The following ZEB1 variants were observed in gnomAD, a reference collection of about 807,000 sequenced individuals.
The protein encoded by ZEB1 is zinc finger E-box-binding homeobox 1.
In ZEB1, 21 loss-of-function variants were observed where a neutral mutation model predicts 84.9. The observed-to-expected ratio is 0.25, with a 90% CI of 0.18 to 0.36. The LOEUF (loss-of-function observed/expected upper bound fraction) is 0.36. Ranked by LOEUF, ZEB1 falls within the 10% of genes least tolerant of loss-of-function variation. The pLI, the probability that ZEB1 is intolerant of heterozygous loss-of-function variation, is 1.00. For synonymous variants in ZEB1, 420 were observed against 471.1 expected (o/e 0.89, Z 1.41); for missense variants, 1,104 against 1,330.2 (o/e 0.83, Z 2.65).
intron 5 of ZEB1, among the ~76,000 whole-genome samples, chr10:31,513,961 A>G (rs894129607): frequency 3.9e-5 from 6 of 152,182 alleles, no homozygotes; most frequent in African/African-American, 1.2e-4. Flanking sequence ...GTGCTTTTGT[A>G]AGATTAATCT....
At chr10:31,470,052 A>C (rs2063001265) in intron 2 of ZEB1, among the ~76,000 whole-genome samples, 1 of 151,474 alleles carries the variant, frequency 6.6e-6, no homozygotes, top group Non-Finnish European at 1.5e-5. Context: ...CCACACCAAA[A>C]ACCCATCTGT....
intron 1 of ZEB1, among the ~76,000 whole-genome samples, chr10:31,394,010 T>A (rs543626621): frequency 1.3e-4 from 20 of 152,214 alleles, no homozygotes; most frequent in Non-Finnish European, 1.5e-5. Context: ...AATAGAGTGG[T>A]AAACAAAACA....
chr10:31,334,227 GA>G (rs553377868), intron 1 of ZEB1, among the ~76,000 whole-genome samples: 82 of 152,208 alleles, frequency 5.4e-4, no homozygotes, highest in African/African-American at 1.9e-3. Flanking sequence ...TAAAGTAGAG[GA>G]GGAACACTTA....
rs1396507783 is a variant in ZEB1 at position 31,354,376 on chromosome 10, G to A, written c.58+35084G>A. Among the ~76,000 whole-genome samples the A allele has an allele frequency of 2.0e-5, 3 of 152,014 alleles. No individual in the cohort carries two copies. In the East Asian group the frequency reaches 5.8e-4, roughly 29 times the overall value. ...TTCATGCATATTACTATATTTTCTC[G>A]ATTCTAAAAGCTCATCAATTGTAAG... On this transcript the variant is annotated intron_variant, in intron 1 of 8. Transcript: ENST00000424869.
intron 1 of ZEB1, among the ~76,000 whole-genome samples, chr10:31,421,832 T>G (rs1164567167): frequency 1.3e-5 from 2 of 152,102 alleles, no homozygotes; most frequent in Admixed American, 1.3e-4. Flanking sequence ...AGAAACTGAT[T>G]TATTAATTTT....
chr10:31,357,915 A>G (rs185374820), intron 1 of ZEB1, among the ~76,000 whole-genome samples: 16 of 152,224 alleles, frequency 1.1e-4, no homozygotes, highest in East Asian at 7.7e-4. Context: ...GCTGGCTGCA[A>G]TCAGGATTGT....
chr10:31,442,138 G>A (rs2059084312), intron 1 of ZEB1, among the ~76,000 whole-genome samples: 1 of 152,200 alleles, frequency 6.6e-6, no homozygotes. Context: ...ATTCACGATA[G>A]CAAAGACTTG....
At chr10:31,435,490 A>G (rs2058182222) in intron 1 of ZEB1, among the ~76,000 whole-genome samples, 1 of 152,230 alleles carries the variant, frequency 6.6e-6, no homozygotes, top group Admixed American at 6.5e-5. Context: ...TTTGAAGGAA[A>G]TAGGATGATG....
intron 1 of ZEB1, among the ~76,000 whole-genome samples, chr10:31,443,674 G>A (rs1564879156): frequency 1.3e-5 from 2 of 148,194 alleles, no homozygotes; most frequent in Non-Finnish European, 1.5e-5. Context: ...TTGGTTTTTT[G>A]TTCTTGCGAT....
At chr10:31,354,753 C>A (rs1022449692) in intron 1 of ZEB1, among the ~76,000 whole-genome samples, 1 of 152,114 alleles carries the variant, frequency 6.6e-6, no homozygotes, top group Non-Finnish European at 1.5e-5. Context: ...CTTGTGAAAC[C>A]TTCATTAAAC....
chr10:31,440,367 T>C (rs918616630), intron 1 of ZEB1, among the ~76,000 whole-genome samples: 2 of 151,966 alleles, frequency 1.3e-5, no homozygotes, highest in Admixed American at 6.5e-5. Context: ...CCCTTCATGC[T>C]AAAAACTCTC....
intron 3 of ZEB1, among the ~76,000 whole-genome samples, chr10:31,496,232 G>A (rs2067217450): frequency 6.6e-6 from 1 of 151,962 alleles, no homozygotes; most frequent in South Asian, 2.1e-4. Context: ...AAGACAAAAA[G>A]CAGAAGAAAA....
At chr10:31,489,403 T>C (rs1331188647) in intron 2 of ZEB1, among the ~76,000 whole-genome samples, 1 of 151,392 alleles carries the variant, frequency 6.6e-6, no homozygotes, top group Admixed American at 6.6e-5. Context: ...TGGGGATTTT[T>C]TTTATTATTT....
At chr10:31,409,066 C>T (rs1374573361) in intron 1 of ZEB1, among the ~76,000 whole-genome samples, 1 of 152,178 alleles carries the variant, frequency 6.6e-6, no homozygotes, top group South Asian at 2.1e-4. Flanking sequence ...ACATACAACC[C>T]CATCAAAAAG....
At chr10:31,379,793 T>G (rs2047316583) in intron 1 of ZEB1, among the ~76,000 whole-genome samples, 2 of 152,080 alleles carry the variant, frequency 1.3e-5, no homozygotes, top group Non-Finnish European at 2.9e-5. Flanking sequence ...TGGCCTAGAT[T>G]TAACAATCAG....
chr10:31,438,630 G>A (rs976193386), intron 1 of ZEB1, among the ~76,000 whole-genome samples: 28 of 152,200 alleles, frequency 1.8e-4, no homozygotes, highest in African/African-American at 6.3e-4. Flanking sequence ...GAGGCCAGGG[G>A]CTCAAGACCA....
intron 1 of ZEB1, among the ~76,000 whole-genome samples, chr10:31,397,073 T>C (rs988086803): frequency 2.7e-5 from 4 of 148,746 alleles, no homozygotes; most frequent in African/African-American, 9.8e-5. Flanking sequence ...TGGAGTGCAG[T>C]GGCATGATCT....
At chr10:31,335,966 CATT>C (rs1202512635) in intron 1 of ZEB1, among the ~76,000 whole-genome samples, 2 of 152,202 alleles carry the variant, frequency 1.3e-5, no homozygotes, top group East Asian at 1.9e-4. Context: ...TAAGAGGTAG[CATT>C]ATATCATCAT....
chr10:31,459,639 T>C (rs1398275663), intron 1 of ZEB1, among the ~76,000 whole-genome samples: 1 of 152,060 alleles, frequency 6.6e-6, no homozygotes, highest in African/African-American at 2.4e-5. Context: ...ATAACAAAAC[T>C]TGACGTTTTT....
Sources: allele counts gnomAD v4.1 joint callset (sites outside exome capture counted in the v4.1 genomes callset), GRCh38; gene constraint gnomAD v4.1.1; transcripts MANE v1.5; gene names NCBI Gene and HGNC (gene_info 2026-07-23, HGNC 2026-07-21).